ZNF385D: variants seen among roughly 807,000 people sequenced by gnomAD.
ZNF385D encodes the protein zinc finger protein 659.
ZNF385D carries 15 observed loss-of-function variants against 35.8 expected under a neutral mutation model. The ratio of observed to expected loss-of-function variants is 0.42; its 90% CI spans 0.28 to 0.64. ZNF385D has a LOEUF of 0.64. Ranked by LOEUF, ZNF385D falls within the 30% of genes least tolerant of loss-of-function variation. ZNF385D has a pLI of 0.23. For synonymous variants in ZNF385D, 212 were observed against 186.8 expected (o/e 1.13, Z -1.10); for missense variants, 474 against 494.6 (o/e 0.96, Z 0.39).
At chr3:22,335,384 T>G (rs1695118035) in intron 2 of ZNF385D, among the ~76,000 whole-genome samples, 1 of 152,284 alleles carries the variant, frequency 6.6e-6, no homozygotes, top group South Asian at 2.1e-4. Flanking sequence ...GACTGTTGCT[T>G]TTTTATTAAA....
chr3:22,260,755 GT>G (rs780573950), intron 2 of ZNF385D, among the ~76,000 whole-genome samples: 74 of 151,978 alleles, frequency 4.9e-4, no homozygotes, highest in Non-Finnish European at 9.3e-4. Context: ...CAACTACAAA[GT>G]TTTAGTTATA....
At chr3:22,140,784 A>G (rs1182173269) in intron 3 of ZNF385D, among the ~76,000 whole-genome samples, 1 of 152,210 alleles carries the variant, frequency 6.6e-6, no homozygotes, top group African/African-American at 2.4e-5. Context: ...ATAAATTCTC[A>G]AGGTATGGCC....
chr3:21,670,126 A>G (rs2066519196), intron 1 of ZNF385D, among the ~76,000 whole-genome samples: 1 of 152,156 alleles, frequency 6.6e-6, no homozygotes, highest in South Asian at 2.1e-4. Context: ...AATTTCGTGC[A>G]TCATTAAAAC....
chr3:21,812,819 CCTGT>C (rs1221779866), intron 3 of ZNF385D, among the ~76,000 whole-genome samples: 11 of 152,292 alleles, frequency 7.2e-5, no homozygotes, highest in Middle Eastern at 3.4e-3. Context: ...ATTAAACGTC[CCTGT>C]CTGACAGCTT....
At chr3:21,620,393 G>A (rs1422310341) in intron 2 of ZNF385D, among the ~76,000 whole-genome samples, 1 of 152,114 alleles carries the variant, frequency 6.6e-6, no homozygotes, top group East Asian at 1.9e-4. Flanking sequence ...TCCCCTCTTA[G>A]TGGTTCTTTT....
At position 22,034,216 on chromosome 3, in the gene ZNF385D, G is replaced by A. The variant is rs115656222; in HGVS notation, c.325+134601C>T. Among the ~76,000 whole-genome samples, 1,021 of 152,240 alleles carry A rather than the reference G, an allele frequency of 6.7e-3. 10 individuals are homozygous for A. Among genetic ancestry groups the A allele is most frequent in the African/African-American group, 0.022 (918 of 41,528 alleles). ...TAGAATTAGATGAAGTCTTCAGGGC[G>A]AAGTTCTCGTGAATGAAATTAGTGA... On this transcript the variant is annotated intron_variant, in intron 3 of 5. Transcript: ENST00000494108.
At chr3:21,460,344 T>C (rs1388628664) in intron 4 of ZNF385D, among the ~76,000 whole-genome samples, 1 of 152,212 alleles carries the variant, frequency 6.6e-6, no homozygotes, top group Non-Finnish European at 1.5e-5. Flanking sequence ...TGTTTAACTA[T>C]TTCATAGACA....
rs569588400 is a variant in ZNF385D at position 21,460,315 on chromosome 3, C to T, written c.440-23112G>A. Among the ~76,000 whole-genome samples, 7 of 152,176 alleles carry T rather than the reference C, an allele frequency of 4.6e-5. No homozygotes were observed. In the East Asian group the frequency reaches 1.4e-3, roughly 29 times the overall value. On this transcript the variant is annotated intron_variant, in intron 4 of 7. Coordinates refer to ENST00000281523, the MANE Select transcript of ZNF385D (RefSeq NM_024697.3). The stretch of plus-strand genomic sequence containing the variant: ...TTGTGTCTGCTTAAAATTCAGATTC[C>T]CTAATCTAACTCTTTGTGTGTTTAA...
At chr3:22,168,955 T>C (rs1281702226) in exon 3 of ZNF385D, 1 of 985,860 alleles carries the variant, frequency 1.0e-6, no homozygotes, top group Non-Finnish European at 1.2e-6. Context: ...TTGGTATGTT[T>C]CTTTTCTCTT....
At chr3:21,808,569 C>CT (rs1279712045) in intron 3 of ZNF385D, among the ~76,000 whole-genome samples, 1 of 152,208 alleles carries the variant, frequency 6.6e-6, no homozygotes, top group Non-Finnish European at 1.5e-5. Context: ...CTTGTGCCTC[C>CT]TCTCCTTTGT....
intron 4 of ZNF385D, among the ~76,000 whole-genome samples, chr3:21,496,992 G>A (rs879152987): frequency 1.3e-5 from 2 of 152,124 alleles, no homozygotes; most frequent in South Asian, 4.2e-4. Flanking sequence ...ACCGAAACAA[G>A]ACAAGGATGG....
At chr3:21,801,792 A>G (rs748226007) in intron 3 of ZNF385D, among the ~76,000 whole-genome samples, 2 of 152,110 alleles carry the variant, frequency 1.3e-5, no homozygotes, top group Admixed American at 6.6e-5. Flanking sequence ...GAATCTCTAT[A>G]TTTAGAGTGC....
Position 21,510,963 on chromosome 3 carries a change from C to T in ZNF385D, c.337G>A (p.Ala113Thr). 5.6e-6 allele frequency: 9 copies of T among 1,614,140 alleles called. No homozygotes were observed. The highest frequency in any genetic ancestry group is 1.3e-5 in the African/African-American group (1 of 75,052). Residue 113 changes from alanine to threonine, a missense_variant, in exon 4 of 8, where the codon GCC becomes ACC. Transcript: ENST00000281523. The stretch of plus-strand genomic sequence containing the variant: ...ACAGATTTCTGCTTATTTTTCATGG[C>T]TTCCAGTGCTTTGAGCTTCTTGGCA... Reference protein sequence around the residue: ...KHAKKLKALEAMKNKQKSVTA... With the variant: ...KHAKKLKALETMKNKQKSVTA...
At chr3:22,025,269 C>A (rs1576174752) in intron 3 of ZNF385D, among the ~76,000 whole-genome samples, 2 of 152,120 alleles carry the variant, frequency 1.3e-5, no homozygotes, top group African/African-American at 4.8e-5. Flanking sequence ...CAGTGATGGC[C>A]TCCCCTGAGG....
intron 3 of ZNF385D, among the ~76,000 whole-genome samples, chr3:22,075,673 C>A (rs1700429308): frequency 6.6e-6 from 1 of 151,854 alleles, no homozygotes; most frequent in African/African-American, 2.4e-5. Context: ...CTTTCTTGTA[C>A]TTTCTTTCCA....
intron 3 of ZNF385D, among the ~76,000 whole-genome samples, chr3:22,109,168 A>T (rs1301582851): frequency 6.6e-6 from 1 of 152,216 alleles, no homozygotes; most frequent in African/African-American, 2.4e-5. Context: ...CAAGCTGCAG[A>T]TAACTAAAAT....
At chr3:21,966,695 C>G (rs959405748) in intron 3 of ZNF385D, among the ~76,000 whole-genome samples, 6 of 152,176 alleles carry the variant, frequency 3.9e-5, no homozygotes, top group Non-Finnish European at 7.3e-5. Flanking sequence ...GATTTTCCTG[C>G]CTCAGCCTCT....
chr3:22,224,417 T>C (rs1178972793), intron 2 of ZNF385D, among the ~76,000 whole-genome samples: 1 of 152,208 alleles, frequency 6.6e-6, no homozygotes, highest in African/African-American at 2.4e-5. Flanking sequence ...ATTCTTATTT[T>C]ACCTCAGATT....
intron 2 of ZNF385D, among the ~76,000 whole-genome samples, chr3:22,289,657 AT>A (rs1248707394): frequency 6.6e-6 from 1 of 152,146 alleles, no homozygotes; most frequent in East Asian, 1.9e-4. Context: ...ATTTAAAACC[AT>A]CTCTTTATTC....
Sources: allele counts gnomAD v4.1 joint callset (sites outside exome capture counted in the v4.1 genomes callset), GRCh38; gene constraint gnomAD v4.1.1; transcripts MANE v1.5; gene names NCBI Gene and HGNC (gene_info 2026-07-23, HGNC 2026-07-21).